The following ARHGEF38 variants were observed in gnomAD, a reference collection of about 807,000 sequenced individuals.
The protein encoded by ARHGEF38 is Rho guanine nucleotide exchange factor (GEF) 38.
ARHGEF38 carries 79 observed loss-of-function variants against 79.9 expected under a neutral mutation model. That is an observed-to-expected ratio of 0.99 (90% CI 0.82 to 1.19). The LOEUF (loss-of-function observed/expected upper bound fraction) is 1.19. Ranked by LOEUF, ARHGEF38 falls within the 50% of genes most tolerant of loss-of-function variation. The pLI, the probability that ARHGEF38 is intolerant of heterozygous loss-of-function variation, is 0.00. For missense variants in ARHGEF38, 962 were observed against 907.2 expected, an observed-to-expected ratio of 1.06 and a Z score of -0.78; for synonymous variants, 366 against 328.3, an observed-to-expected ratio of 1.11 and a Z score of -1.24.
At chr4:105,573,590 A>C (rs1313821762) in intron 1 of ARHGEF38, among the ~76,000 whole-genome samples, 1 of 152,140 alleles carries the variant, frequency 6.6e-6, no homozygotes, top group Non-Finnish European at 1.5e-5. Context: ...GTCTGTATTT[A>C]TGCCAGTACC....
At position 105,561,439 on chromosome 4, in the gene ARHGEF38, A is replaced by AGAATAGAATG. The variant is rs1560684420; in HGVS notation, c.196+8488_196+8497dup. ...AGAATAGAATGGAATAGAATAGAAT[A>AGAATAGAATG]GAATAGAATGGAATAGAATAGAATA... On this transcript the variant is annotated intron_variant, in intron 1 of 13. Transcript: ENST00000420470. 8.9e-5 allele frequency among the ~76,000 whole-genome samples: 4 copies of AGAATAGAATG among 44,724 alleles called. No homozygotes were observed. In the East Asian group the frequency reaches 2.0e-3, roughly 23 times the overall value. The allele number at this position is 44,724 out of a possible 152,430, so 29.3% of individuals were successfully genotyped here.
At chr4:105,555,895 T>C (rs757086951) in intron 1 of ARHGEF38, among the ~76,000 whole-genome samples, 12 of 152,178 alleles carry the variant, frequency 7.9e-5, no homozygotes, top group Non-Finnish European at 1.6e-4. Flanking sequence ...TTTAGTAGCA[T>C]GAAACTTAAG....
At chr4:105,632,128 A>G (rs1348753264) in intron 4 of ARHGEF38, among the ~76,000 whole-genome samples, 1 of 152,210 alleles carries the variant, frequency 6.6e-6, no homozygotes, top group East Asian at 1.9e-4. Flanking sequence ...TTTCCCGGCT[A>G]GAATTGGGTC....
At chr4:105,663,475 C>G (rs192594375) in intron 10 of ARHGEF38, among the ~76,000 whole-genome samples, 147 of 152,248 alleles carry the variant, frequency 9.7e-4, no homozygotes, top group Non-Finnish European at 1.8e-3. Flanking sequence ...CTCCCCTCCC[C>G]CAAGTCCCTG....
At chr4:105,572,945 G>T (rs1309693907) in intron 1 of ARHGEF38, among the ~76,000 whole-genome samples, 2 of 152,060 alleles carry the variant, frequency 1.3e-5, no homozygotes, top group African/African-American at 4.8e-5. Flanking sequence ...GGTGCAAAGT[G>T]GTATCTCACT....
At position 105,679,815 on chromosome 4, in the gene ARHGEF38, G is replaced by C. The variant is rs1731249455; in HGVS notation, c.*1878G>C. On this transcript the variant is annotated 3_prime_UTR_variant, in exon 14 of 14. Coordinates refer to ENST00000420470, the MANE Select transcript of ARHGEF38 (RefSeq NM_001242729.2). ...GCTTTACCCACGCATCCAGAGAGAT[G>C]GATATAGGACTCAATATCCTGAGGA... The C allele has an allele frequency of 1.6e-6, 2 of 1,218,640 alleles. No homozygotes were observed. Among genetic ancestry groups the C allele is most frequent in the Admixed American group, 3.5e-5 (2 of 57,936 alleles). The allele number at this position is 1,218,640 out of a possible 1,614,324, so 75.5% of individuals were successfully genotyped here.
At chr4:105,578,909 T>G (rs1726641448) in intron 1 of ARHGEF38, among the ~76,000 whole-genome samples, 1 of 152,188 alleles carries the variant, frequency 6.6e-6, no homozygotes, top group South Asian at 2.1e-4. Flanking sequence ...CATGTAACAT[T>G]GAGATGTGAG....
At chr4:105,619,134 T>C (rs1728633804) in intron 3 of ARHGEF38, among the ~76,000 whole-genome samples, 1 of 152,112 alleles carries the variant, frequency 6.6e-6, no homozygotes, top group African/African-American at 2.4e-5. Context: ...GGGGCCATAT[T>C]TGAAAAAGAA....
chr4:105,650,906 T>C (rs1206336648), intron 7 of ARHGEF38, among the ~76,000 whole-genome samples: 2 of 152,122 alleles, frequency 1.3e-5, no homozygotes, highest in African/African-American at 2.4e-5. Flanking sequence ...GAAAGGACAA[T>C]GAAGACATTT....
At chr4:105,671,866 C>A (rs1198845309) in intron 13 of ARHGEF38, among the ~76,000 whole-genome samples, 1 of 152,084 alleles carries the variant, frequency 6.6e-6, no homozygotes, top group Admixed American at 6.6e-5. Flanking sequence ...TCATTTATTT[C>A]CCTCTCCCTT....
chr4:105,576,407 C>CTTTTTTT (rs35502329), intron 1 of ARHGEF38, among the ~76,000 whole-genome samples: 1 of 128,366 alleles, frequency 7.8e-6, no homozygotes, highest in Non-Finnish European at 1.7e-5. Flanking sequence ...TTCTTTTCTT[C>CTTTTTTT]TTTTTTTTTT....
At chr4:105,662,241 T>C (rs1730589813) in intron 10 of ARHGEF38, among the ~76,000 whole-genome samples, 1 of 152,190 alleles carries the variant, frequency 6.6e-6, no homozygotes, top group Admixed American at 6.5e-5. Flanking sequence ...TTTACTCCTT[T>C]TTCTTTGGGT....
chr4:105,618,418 A>T (rs1387721748), intron 3 of ARHGEF38, among the ~76,000 whole-genome samples: 1 of 152,084 alleles, frequency 6.6e-6, no homozygotes, highest in Non-Finnish European at 1.5e-5. Context: ...TGGGCGGATC[A>T]CGAGACCAGC....
intron 11 of ARHGEF38, among the ~76,000 whole-genome samples, chr4:105,666,583 A>T (rs1393806696): frequency 2.0e-5 from 3 of 152,162 alleles, no homozygotes; most frequent in Non-Finnish European, 1.5e-5. Context: ...GGCACTCAAT[A>T]AATATTTGTT....
At chr4:105,656,456 T>A (rs1730330300) in intron 9 of ARHGEF38, among the ~76,000 whole-genome samples, 1 of 152,180 alleles carries the variant, frequency 6.6e-6, no homozygotes, top group South Asian at 2.1e-4. Context: ...TGTTATTTAT[T>A]TTGTTCCACG....
chr4:105,608,444 T>C (rs867373528), intron 2 of ARHGEF38, among the ~76,000 whole-genome samples: 9 of 151,996 alleles, frequency 5.9e-5, no homozygotes, highest in South Asian at 4.1e-4. Context: ...TTTATAAATA[T>C]ATAAAACTTG....
At chr4:105,670,865 G>A (rs974561902) in intron 13 of ARHGEF38, among the ~76,000 whole-genome samples, 2 of 152,142 alleles carry the variant, frequency 1.3e-5, no homozygotes, top group South Asian at 2.1e-4. Context: ...TTGAGTTCTT[G>A]TTCTTACTTG....
intron 1 of ARHGEF38, among the ~76,000 whole-genome samples, chr4:105,553,468 C>CTATAAAAAGGTATAAAA (rs1450587128): frequency 6.6e-6 from 1 of 152,036 alleles, no homozygotes; most frequent in Non-Finnish European, 1.5e-5. Flanking sequence ...GTCAGAGAGA[C>CTATAAAAAGGTATAAAA]GGTATAAAAA....
chr4:105,555,521 C>T (rs746038648), intron 1 of ARHGEF38, among the ~76,000 whole-genome samples: 1 of 152,054 alleles, frequency 6.6e-6, no homozygotes, highest in Non-Finnish European at 1.5e-5. Context: ...TATTCAAATG[C>T]CGAGAGATTT....
Sources: gnomAD v4.1 joint callset for allele counts (sites outside exome capture counted in the v4.1 genomes callset) on GRCh38, gnomAD v4.1.1 for gene constraint, MANE v1.5 for transcripts, NCBI Gene and HGNC (gene_info 2026-07-23, HGNC 2026-07-21) for gene names.